The following IL1RAPL1 variants were observed in gnomAD, a reference collection of about 807,000 sequenced individuals.
The protein encoded by IL1RAPL1 is interleukin-1 receptor accessory protein-like 1.
IL1RAPL1 carries 3 observed loss-of-function variants against 48.4 expected under a neutral mutation model. That is an observed-to-expected ratio of 0.06 (90% CI 0.03 to 0.16). The LOEUF is 0.16. Among genes scored for constraint, IL1RAPL1 ranks in the 10% least tolerant of loss-of-function variants. The pLI, the probability that IL1RAPL1 is intolerant of heterozygous loss-of-function variation, is 1.00. For missense variants in IL1RAPL1, 349 were observed against 530.6 expected (o/e 0.66, Z 3.36); for synonymous variants, 185 against 187.7 (o/e 0.99, Z 0.12).
At chrX:28,993,008 G>A (rs1213850757) in intron 2 of IL1RAPL1, among the ~76,000 whole-genome samples, 1 of 111,914 alleles carries the variant, frequency 8.9e-6, no homozygotes, top group Non-Finnish European at 1.9e-5. Flanking sequence ...GTGATTACCA[G>A]ATCAGCAACC....
chrX:28,937,503 A>G (rs909443045), intron 2 of IL1RAPL1, among the ~76,000 whole-genome samples: 2 of 111,333 alleles, frequency 1.8e-5, no homozygotes, highest in Admixed American at 9.6e-5. Flanking sequence ...TTAATGACAG[A>G]GTCAGGAAGA....
intron 3 of IL1RAPL1, among the ~76,000 whole-genome samples, chrX:29,380,169 G>GTT (rs976841312): frequency 2.0e-5 from 2 of 102,490 alleles, no homozygotes; most frequent in African/African-American, 7.3e-5. Context: ...AGCTTATCAT[G>GTT]TTAGCTAATG....
intron 5 of IL1RAPL1, among the ~76,000 whole-genome samples, chrX:29,572,105 C>G (rs1379292797): frequency 9.0e-6 from 1 of 111,623 alleles, no homozygotes; most frequent in Non-Finnish European, 1.9e-5. Context: ...TTTTATTTTT[C>G]GTGTCTCTAG....
intron 6 of IL1RAPL1, among the ~76,000 whole-genome samples, chrX:29,673,776 C>T (rs1926202132): frequency 8.9e-6 from 1 of 111,797 alleles, no homozygotes; most frequent in Non-Finnish European, 1.9e-5. Context: ...TCTACTCAAT[C>T]CAAATTTATC....
chrX:28,736,643 C>G (rs1055759797), intron 1 of IL1RAPL1, among the ~76,000 whole-genome samples: 1 of 111,581 alleles, frequency 9.0e-6, no homozygotes, highest in East Asian at 2.8e-4. Flanking sequence ...TTAACTCTCC[C>G]CATTGTTCTT....
At chrX:29,391,175 A>C (rs1300865601) in intron 3 of IL1RAPL1, among the ~76,000 whole-genome samples, 1 of 92,759 alleles carries the variant, frequency 1.1e-5, no homozygotes, top group African/African-American at 5.0e-5. Flanking sequence ...ATTCCATCTC[A>C]AAAAAAAAAA....
At chrX:29,803,192 T>C (rs1266482836) in intron 6 of IL1RAPL1, among the ~76,000 whole-genome samples, 1 of 31,810 alleles carries the variant, frequency 3.1e-5, no homozygotes, top group Non-Finnish European at 6.2e-5. Flanking sequence ...TGTATATATG[T>C]ATACATATAC....
At chrX:29,832,604 G>A (rs1000549531) in intron 6 of IL1RAPL1, among the ~76,000 whole-genome samples, 1 of 111,013 alleles carries the variant, frequency 9.0e-6, no homozygotes, top group Non-Finnish European at 1.9e-5. Context: ...TGACTGGCTA[G>A]TAAAAGGGAA....
chrX:29,401,543 T>G (rs1259620187), intron 5 of IL1RAPL1, among the ~76,000 whole-genome samples: 2 of 111,405 alleles, frequency 1.8e-5, no homozygotes, highest in African/African-American at 3.3e-5. Flanking sequence ...ATGGGCAGTA[T>G]CTGAATGATA....
At chrX:29,010,469 T>C (rs1926097181) in intron 2 of IL1RAPL1, among the ~76,000 whole-genome samples, 1 of 111,911 alleles carries the variant, frequency 8.9e-6, no homozygotes, top group Non-Finnish European at 1.9e-5. Flanking sequence ...TTGAATTTCA[T>C]CGAAAGCTTT....
At chrX:29,323,713 TTATATATATATATA>T (rs1172683563) in intron 3 of IL1RAPL1, among the ~76,000 whole-genome samples, 16 of 10,950 alleles carry the variant, frequency 1.5e-3, no homozygotes, top group Non-Finnish European at 2.3e-3. Flanking sequence ...ACTGAATTTT[TTATATATATATATA>T]TATATATATA....
chrX:29,496,543 A>G (rs1935215842), intron 5 of IL1RAPL1, among the ~76,000 whole-genome samples: 1 of 98,784 alleles, frequency 1.0e-5, no homozygotes, highest in Non-Finnish European at 2.0e-5. Context: ...GTAAACTTCC[A>G]GAAGCCTCCC....
intron 2 of IL1RAPL1, among the ~76,000 whole-genome samples, chrX:29,109,441 A>G (rs996871226): frequency 2.7e-5 from 3 of 110,874 alleles, no homozygotes; most frequent in Non-Finnish European, 5.7e-5. Context: ...AAATCATTAA[A>G]TAAAATTTTG....
chrX:29,411,638 G>A lies in IL1RAPL1; in HGVS notation c.703+12330G>A, dbSNP rs998111124. Among the ~76,000 whole-genome samples the A allele has an allele frequency of 3.7e-5, 4 of 109,144 alleles. No individual in the cohort carries two copies. In the South Asian group the frequency reaches 1.6e-3, roughly 43 times the overall value. 94.8% of individuals were successfully genotyped at this position (109,144 alleles called of 115,157 possible). On this transcript the variant is annotated intron_variant, in intron 5 of 10. Transcript: ENST00000378993. ...TCTGTCCGTCCCAGGTGTTAGAGCT[G>A]TATTACTTCTAGATTTTCAGACCAC...
chrX:29,769,797 A>G (rs908175149), intron 6 of IL1RAPL1, among the ~76,000 whole-genome samples: 35 of 107,620 alleles, frequency 3.3e-4, no homozygotes, highest in African/African-American at 1.2e-3. Context: ...TTGTATTTTT[A>G]GTAGAGTCGG....
intron 5 of IL1RAPL1, among the ~76,000 whole-genome samples, chrX:29,429,268 T>C (rs1934386783): frequency 8.9e-6 from 1 of 112,055 alleles, no homozygotes; most frequent in South Asian, 3.7e-4. Flanking sequence ...AGTCTGTCTG[T>C]TCCACTAGAC....
intron 2 of IL1RAPL1, among the ~76,000 whole-genome samples, chrX:28,979,056 C>A (rs1377978485): frequency 9.0e-6 from 1 of 111,525 alleles, no homozygotes; most frequent in Non-Finnish European, 1.9e-5. Flanking sequence ...ACCACAGAAC[C>A]AAGTGGCCAA....
chrX:29,271,023 C>T (rs1035480797), intron 2 of IL1RAPL1, among the ~76,000 whole-genome samples: 1 of 111,543 alleles, frequency 9.0e-6, no homozygotes, highest in African/African-American at 3.3e-5. Context: ...CACCCTCCAC[C>T]CTCAAGTAGA....
At position 28,676,516 on chromosome X, in the gene IL1RAPL1, T is replaced by G. The variant is rs779769453; in HGVS notation, c.-25+88469T>G. Reference sequence around the variant, plus strand: ...GGGAGGCTGAGGCTGGTGGATCACCTGAGGTCAGGAGTTTGAGACCAGCCT... The same window carrying G: ...GGGAGGCTGAGGCTGGTGGATCACCGGAGGTCAGGAGTTTGAGACCAGCCT... On this transcript the variant is annotated intron_variant, in intron 1 of 10. Transcript: ENST00000378993. 2.7e-5 allele frequency among the ~76,000 whole-genome samples: 3 copies of G among 111,837 alleles called. No homozygotes were observed. The South Asian group carries it at 1.1e-3, about 42-fold the overall frequency.
Sources: allele counts gnomAD v4.1 joint callset (sites outside exome capture counted in the v4.1 genomes callset), GRCh38; gene constraint gnomAD v4.1.1; transcripts MANE v1.5; gene names NCBI Gene and HGNC (gene_info 2026-07-23, HGNC 2026-07-21).